XYLB: variants seen among roughly 807,000 people sequenced by gnomAD.
XYLB encodes xylulose kinase.
In XYLB, 62 loss-of-function variants were observed where a neutral mutation model predicts 78.7. That is an observed-to-expected ratio of 0.79 (90% CI 0.64 to 0.97). The LOEUF (loss-of-function observed/expected upper bound fraction) is 0.97, where lower values mean the gene tolerates loss of function less well. XYLB is among the 50% of genes least tolerant of loss of function. The pLI, the probability that XYLB is intolerant of heterozygous loss-of-function variation, is 0.00. For synonymous variants in XYLB, 245 were observed against 247.4 expected (o/e 0.99, Z 0.09); for missense variants, 687 against 676.8 (o/e 1.02, Z -0.17).
intron 2 of XYLB, 138 bp downstream of exon 2, chr3:38,348,770 CTT>C: frequency 1.4e-6 from 1 of 697,858 alleles, no homozygotes; most frequent in Non-Finnish European, 2.5e-6. Context: ...TTTCAAGCAT[CTT>C]TTTTTCCTAT....
chr3:38,447,120 A>G, the XYLB span, among the ~76,000 whole-genome samples: 1 of 152,236 alleles, frequency 6.6e-6, no homozygotes, highest in African/African-American at 2.4e-5. Context: ...AAGGACATGC[A>G]TAGACATTTT....
chr3:38,418,205 A>G (rs1708863409), downstream of XYLB, among the ~76,000 whole-genome samples: 1 of 151,174 alleles, frequency 6.6e-6, no homozygotes, highest in Non-Finnish European at 1.5e-5. Flanking sequence ...AAAAAAAAAA[A>G]AAAAAAAAGA....
At chr3:38,379,970 GCT>G (rs1707068495) in intron 15 of XYLB, among the ~76,000 whole-genome samples, 1 of 152,190 alleles carries the variant, frequency 6.6e-6, no homozygotes, top group East Asian at 1.9e-4. Flanking sequence ...TGCTAGTAGG[GCT>G]CTCTGCAGAG....
intron 18 of XYLB, among the ~76,000 whole-genome samples, chr3:38,405,733 T>C (rs1402953581): frequency 6.6e-6 from 1 of 152,212 alleles, no homozygotes. Flanking sequence ...GGAGATTATA[T>C]CCCGCACCTG....
chr3:38,368,384 A>T, intron 8 of XYLB, 127 bp downstream of exon 8: 1 of 807,982 alleles, frequency 1.2e-6, no homozygotes, highest in Non-Finnish European at 2.1e-6. Context: ...GTTGCCAGGA[A>T]GGAAGTGTAT....
In XYLB at chr3:38,346,914, A is replaced by G; in HGVS notation, c.46A>G (p.Ser16Gly). Residue 16 changes from serine (S) to glycine (G), a missense_variant, in exon 1 of 19, where the codon AGC becomes GGC. Ser to Gly is a moderately conservative substitution (Grantham distance 56). Transcript: ENST00000207870. ...PRRCCLGWDF[S>G]TQQVKVVAVD... The stretch of plus-strand genomic sequence containing the variant: ...CCGCTGCTGCCTGGGCTGGGACTTC[A>G]GCACGCAGCAGGTACAGTCGCCTGG... The G allele has an allele frequency of 6.6e-7, 1 of 1,512,298 alleles. No homozygotes were observed. The highest frequency in any genetic ancestry group is 8.8e-7 in the Non-Finnish European group (1 of 1,132,700). 93.7% of individuals were successfully genotyped at this position (1,512,298 alleles called of 1,614,324 possible).
chr3:38,364,859 A>G (rs1365790807), intron 4 of XYLB, among the ~76,000 whole-genome samples: 1 of 152,244 alleles, frequency 6.6e-6, no homozygotes, highest in African/African-American at 2.4e-5. Context: ...GAATGAATGA[A>G]TGAATGAATG....
In XYLB at chr3:38,365,214, T is replaced by A; in HGVS notation, c.307T>A (p.Tyr103Asn). 1 of 1,614,200 alleles carries A rather than the reference T, an allele frequency of 6.2e-7. No individual in the cohort carries two copies. Among genetic ancestry groups the A allele is most frequent in the Non-Finnish European group, 8.5e-7 (1 of 1,180,018 alleles). ...TTCCCAACAGCAACACGGAAGTATA[T>A]ACTGGAAGGCTGGAGCCCAGCAGGC... is the stretch of plus-strand genomic sequence containing the variant. ...SGAGQQHGSI[Y>N]WKAGAQQALT... is the part of the protein sequence containing the mutation. The change falls in exon 5 of 19, where the codon TAC (tyrosine) becomes AAC (asparagine). Residue 103 changes from tyrosine to asparagine, a missense_variant. Tyr to Asn is a moderately radical substitution (Grantham distance 143). Coordinates refer to ENST00000207870, the MANE Select transcript of XYLB (RefSeq NM_005108.4).
intron 17 of XYLB, among the ~76,000 whole-genome samples, chr3:38,397,461 A>G (rs187389700): frequency 7.2e-5 from 11 of 152,342 alleles, no homozygotes; most frequent in Non-Finnish European, 1.6e-4. Flanking sequence ...GCACGTGGGC[A>G]TGAGTCTGGA....
chr3:38,369,881 C>T (rs1706453402), intron 8 of XYLB, among the ~76,000 whole-genome samples, 175 bp from the exon 9 acceptor site: 1 of 152,112 alleles, frequency 6.6e-6, no homozygotes, highest in African/African-American at 2.4e-5. Context: ...CCAAGGGCCC[C>T]TCTTGTCTCT....
In XYLB at chr3:38,346,967, G is replaced by C. The variant is rs757697621; in HGVS notation, c.57+42G>C. The C allele has an allele frequency of 2.1e-6, 3 of 1,413,754 alleles. No homozygotes were observed. The South Asian group carries it at 4.4e-5, about 21-fold the overall frequency. The allele number at this position is 1,413,754 out of a possible 1,614,324, so 87.6% of individuals were successfully genotyped here. A position where few individuals can be genotyped will look rare whatever the true frequency, so the allele number is the denominator to read the frequency against. On this transcript the variant is annotated intron_variant, in intron 1 of 18. Coordinates refer to ENST00000207870, the MANE Select transcript of XYLB (RefSeq NM_005108.4). ...GCAGGGCCACGGGGCCGCCTCCTCC[G>C]CTTCGGTGGGGGTAGGGGGCGGGCT...
At chr3:38,398,232 G>A (rs918301445) in intron 17 of XYLB, among the ~76,000 whole-genome samples, 1 of 151,834 alleles carries the variant, frequency 6.6e-6, no homozygotes, top group Admixed American at 6.6e-5. Context: ...CATTTTGGGA[G>A]GCCGAGGCGG....
At chr3:38,436,805 A>G in the XYLB span, among the ~76,000 whole-genome samples, 1 of 152,008 alleles carries the variant, frequency 6.6e-6, no homozygotes, top group Non-Finnish European at 1.5e-5. Flanking sequence ...GGAGTTCAAG[A>G]CCAGCCTGGT....
chr3:38,401,051 C>G (rs750216524), intron 18 of XYLB, 66 bp downstream of exon 18: 2 of 1,401,914 alleles, frequency 1.4e-6, no homozygotes, highest in East Asian at 2.3e-5. Context: ...TTTTTTCCCC[C>G]ACCAAAAGGT....
At chr3:38,427,217 G>A in the XYLB span, among the ~76,000 whole-genome samples, 22 of 152,210 alleles carry the variant, frequency 1.4e-4, no homozygotes, top group Admixed American at 8.5e-4. Context: ...TTCCTCTAGT[G>A]CCGCTTCGTT....
chr3:38,452,098 C>T, the XYLB span: 2 of 152,212 alleles, frequency 1.3e-5, no homozygotes, highest in African/African-American at 4.8e-5. Flanking sequence ...TCCGTTATCA[C>T]AGTCTATCAC....
At chr3:38,443,184 G>C in the XYLB span, among the ~76,000 whole-genome samples, 300 of 152,314 alleles carry the variant, frequency 2.0e-3, 3 homozygotes, top group African/African-American at 6.9e-3. Context: ...TTAACACTGA[G>C]AGGGCCGCAC....
intron 17 of XYLB, among the ~76,000 whole-genome samples, chr3:38,399,060 A>G (rs530563332): frequency 6.6e-6 from 1 of 151,994 alleles, no homozygotes; most frequent in Non-Finnish European, 1.5e-5. Context: ...AAAAACAAAA[A>G]AAAACAAACT....
At chr3:38,347,748 C>T (rs897408679) in intron 1 of XYLB, among the ~76,000 whole-genome samples, 5 of 152,322 alleles carry the variant, frequency 3.3e-5, no homozygotes, top group African/African-American at 1.2e-4. Flanking sequence ...CCTTCGTTGA[C>T]ACCAGCTTGC....
Sources: gnomAD v4.1 joint callset for allele counts (sites outside exome capture counted in the v4.1 genomes callset) on GRCh38, gnomAD v4.1.1 for gene constraint, MANE v1.5 for transcripts, NCBI Gene and HGNC (gene_info 2026-07-23, HGNC 2026-07-21) for gene names.